Variants in EPS8 observed in about 807,000 individuals in gnomAD.
EPS8 encodes EGFR pathway substrate 8, signaling adaptor.
In EPS8, 42 loss-of-function variants were observed where a neutral mutation model predicts 103.8. The observed-to-expected ratio is 0.40, with a 90% CI of 0.32 to 0.52. The LOEUF is 0.52. Among genes scored for constraint, EPS8 ranks in the 20% least tolerant of loss-of-function variants. EPS8 has a pLI of 0.40. For synonymous variants in EPS8, 344 were observed against 344.6 expected (o/e 1.00, Z 0.02); for missense variants, 969 against 1,005.1 (o/e 0.96, Z 0.49).
chr12:15,675,699 G>T (rs1054321715), intron 3 of EPS8, among the ~76,000 whole-genome samples: 1 of 152,180 alleles, frequency 6.6e-6, no homozygotes, highest in Non-Finnish European at 1.5e-5. Context: ...TTAACTGTAG[G>T]TGTTGGTAAT....
intron 1 of EPS8, among the ~76,000 whole-genome samples, chr12:15,773,992 A>G (rs947036537): frequency 5.9e-5 from 9 of 152,132 alleles, no homozygotes; most frequent in African/African-American, 2.2e-4. Context: ...TAACAGCCTC[A>G]TCTTCTTTGG....
At chr12:15,710,257 CAG>C (rs543570308) in intron 1 of EPS8, among the ~76,000 whole-genome samples, 3 of 152,176 alleles carry the variant, frequency 2.0e-5, no homozygotes, top group South Asian at 4.1e-4. Context: ...AATGAGTTGT[CAG>C]AGAGTTGTTA....
intron 15 of EPS8, among the ~76,000 whole-genome samples, chr12:15,642,691 C>T (rs2135759473): frequency 6.6e-6 from 1 of 152,302 alleles, no homozygotes; most frequent in East Asian, 1.9e-4. Context: ...TTTATTTACA[C>T]ATCTCTACAA....
At chr12:15,741,151 G>A (rs1336848026) in intron 1 of EPS8, among the ~76,000 whole-genome samples, 1 of 152,184 alleles carries the variant, frequency 6.6e-6, no homozygotes, top group East Asian at 1.9e-4. Context: ...GGCTCAAAAG[G>A]TCCAGGACCT....
chr12:15,644,781 G>C (rs1945293423), intron 15 of EPS8, among the ~76,000 whole-genome samples: 1 of 151,352 alleles, frequency 6.6e-6, no homozygotes, highest in African/African-American at 2.4e-5. Context: ...GTATGTAATA[G>C]AGTTTAAGGT....
rs114426548 is a variant in EPS8 at position 15,706,215 on chromosome 12, G to C, written c.-21-23243C>G. On this transcript the variant is annotated intron_variant, in intron 1 of 20. Transcript: ENST00000281172. This position sits in a 1 kb window ranked among gnomAD's most constrained non-coding sequence, Gnocchi z 5.2. ...GGGGATCCCTGGCAAAGCTCCTGCCGGCCTGTGCACTGGGGTGGAGCCTGA... is the reference window on the plus strand; with the variant it reads ...GGGGATCCCTGGCAAAGCTCCTGCCCGCCTGTGCACTGGGGTGGAGCCTGA... Among the ~76,000 whole-genome samples, 11 of 152,138 alleles carry C rather than the reference G, an allele frequency of 7.2e-5. No individual in the cohort carries two copies. The highest frequency in any genetic ancestry group is 2.7e-4 in the African/African-American group (11 of 41,420).
At chr12:15,645,521 G>A (rs1415850448) in intron 15 of EPS8, among the ~76,000 whole-genome samples, 4 of 151,840 alleles carry the variant, frequency 2.6e-5, no homozygotes, top group Non-Finnish European at 5.9e-5. Flanking sequence ...AATCTATTTT[G>A]GAAGCAGAAG....
chr12:15,726,478 G>A (rs995065757), intron 1 of EPS8, among the ~76,000 whole-genome samples: 2 of 152,154 alleles, frequency 1.3e-5, no homozygotes, highest in Non-Finnish European at 2.9e-5. Flanking sequence ...CAAAAGCTCT[G>A]TAGTGATACA....
rs1029044454 is a variant in EPS8 at position 15,704,629 on chromosome 12, T to C, written c.-21-21657A>G. ...GGCACAGAGATTCCATTCAGGAAGATGAAAAACTCCTAGAGATGGATGGTC... is the reference window on the plus strand; with the variant it reads ...GGCACAGAGATTCCATTCAGGAAGACGAAAAACTCCTAGAGATGGATGGTC... On this transcript the variant is annotated intron_variant, in intron 1 of 20. Transcript: ENST00000281172. The surrounding 1 kb of genome is among the most constrained non-coding windows in gnomAD (Gnocchi z 4.6). Among the ~76,000 whole-genome samples, 7 of 152,150 alleles carry C rather than the reference T, an allele frequency of 4.6e-5. No individual in the cohort carries two copies. The highest frequency in any genetic ancestry group is 1.7e-4 in the African/African-American group (7 of 41,434).
At chr12:15,673,561 G>T (rs1317363859) in intron 3 of EPS8, among the ~76,000 whole-genome samples, 1 of 152,084 alleles carries the variant, frequency 6.6e-6, no homozygotes, top group Non-Finnish European at 1.5e-5. Flanking sequence ...TACTCAAGAT[G>T]AATCCTCTAA....
In EPS8 at chr12:15,764,338, G is replaced by A. The variant is rs1239670046; in HGVS notation, c.-22+24823C>T. 1.3e-5 allele frequency among the ~76,000 whole-genome samples: 2 copies of A among 152,180 alleles called. No individual in the cohort carries two copies. ...CAATTCAAGATGAGCTTTGGGTGGG[G>A]ACACAGTGAAACCATATCAATCAGT... On this transcript the variant is annotated intron_variant, in intron 1 of 20. Coordinates refer to ENST00000281172, the MANE Select transcript of EPS8 (RefSeq NM_004447.6). This position sits in a 1 kb window ranked among gnomAD's most constrained non-coding sequence, Gnocchi z 4.1.
chr12:15,670,728 A>G, intron 4 of EPS8, 128 bp downstream of exon 4: 2 of 587,030 alleles, frequency 3.4e-6, no homozygotes, highest in East Asian at 2.9e-5. Flanking sequence ...TAAAAAATCT[A>G]AACAAAAAGG....
At chr12:15,705,398 T>A (rs373597699) in intron 1 of EPS8, among the ~76,000 whole-genome samples, 55 of 152,314 alleles carry the variant, frequency 3.6e-4, no homozygotes, top group African/African-American at 1.2e-3. Context: ...ACTTTTTAAT[T>A]GAGCTTTTAA....
intron 14 of EPS8, among the ~76,000 whole-genome samples, chr12:15,648,538 A>G (rs1050958332): frequency 2.0e-4 from 31 of 152,218 alleles, no homozygotes; most frequent in Non-Finnish European, 4.0e-4. Flanking sequence ...TCAGCCATTT[A>G]AATTAAAAAA....
rs932803125 is a variant in EPS8 at position 15,772,996 on chromosome 12, A to G, written c.-22+16165T>C. ...AGAAGATGGCAGATGACCTACAGAC[A>G]TAAGCTCAGCATCAGACCACAGTGG... On this transcript the variant is annotated intron_variant, in intron 1 of 20. Transcript: ENST00000281172. The surrounding 1 kb of genome is among the most constrained non-coding windows in gnomAD (Gnocchi z 5.0). Among the ~76,000 whole-genome samples the G allele has an allele frequency of 3.3e-5, 5 of 152,210 alleles. No individual in the cohort carries two copies. The highest frequency in any genetic ancestry group is 1.2e-4 in the African/African-American group (5 of 41,464).
At chr12:15,654,360 C>A in intron 12 of EPS8, 67 bp from the exon 13 acceptor site, 1 of 1,457,848 alleles carries the variant, frequency 6.9e-7, no homozygotes, top group South Asian at 1.2e-5. Flanking sequence ...AATGTGTGGA[C>A]AAAAACCCAT....
chr12:15,773,924 G>A (rs531777992), intron 1 of EPS8, among the ~76,000 whole-genome samples: 2 of 152,002 alleles, frequency 1.3e-5, no homozygotes, highest in Non-Finnish European at 1.5e-5. Flanking sequence ...GAAATTTTTT[G>A]TGACTTTAAT....
Position 15,748,744 on chromosome 12 carries a change from T to A in EPS8, c.-22+40417A>T, listed in dbSNP as rs1057492708. ...TTTTATGTCAGGTAAAGACAGAATA[T>A]CCAATGTATAACAGATCTAAGCTTT... On this transcript the variant is annotated intron_variant, in intron 1 of 20. Coordinates refer to ENST00000281172, the MANE Select transcript of EPS8 (RefSeq NM_004447.6). The surrounding 1 kb of genome is among the most constrained non-coding windows in gnomAD (Gnocchi z 4.8). 5.9e-5 allele frequency among the ~76,000 whole-genome samples: 9 copies of A among 152,162 alleles called. No homozygotes were observed. Among genetic ancestry groups the A allele is most frequent in the Non-Finnish European group, 1.3e-4 (9 of 68,020 alleles).
At chr12:15,644,179 C>T (rs1346111719) in intron 15 of EPS8, among the ~76,000 whole-genome samples, 2 of 152,200 alleles carry the variant, frequency 1.3e-5, no homozygotes, top group Non-Finnish European at 2.9e-5. Flanking sequence ...AGCCATACTT[C>T]AAGCACTCAC....
Sources: allele counts gnomAD v4.1 joint callset (sites outside exome capture counted in the v4.1 genomes callset), GRCh38; gene constraint gnomAD v4.1.1; non-coding constraint Gnocchi (gnomAD v3.1); transcripts MANE v1.5; gene names NCBI Gene and HGNC (gene_info 2026-07-23, HGNC 2026-07-21).